MGST2: variants seen among roughly 807,000 people sequenced by gnomAD.
The protein encoded by MGST2 is glutathione peroxidase MGST2.
In MGST2, 9 loss-of-function variants were observed where a neutral mutation model predicts 16.6. That is an observed-to-expected ratio of 0.54 (90% CI 0.33 to 0.95). MGST2 has a LOEUF of 0.95. Ranked by LOEUF, MGST2 falls within the 40% of genes least tolerant of loss-of-function variation. The probability of loss-of-function intolerance (pLI) is 0.03; values close to 1 mark genes in which losing one functional copy is unlikely to be tolerated. For missense variants in MGST2, 159 were observed against 175.1 expected (o/e 0.91, Z 0.52); for synonymous variants, 79 against 68.0 (o/e 1.16, Z -0.79).
intron 2 of MGST2, among the ~76,000 whole-genome samples, chr4:139,690,417 A>G (rs988748840): frequency 2.6e-5 from 4 of 152,330 alleles, no homozygotes; most frequent in Admixed American, 2.6e-4. Context: ...CCGGGATTAC[A>G]GGTGTGAACC....
chr4:139,740,028 A>G (rs1042721839), intron 5 of MGST2, among the ~76,000 whole-genome samples: 3 of 152,102 alleles, frequency 2.0e-5, no homozygotes, highest in Admixed American at 6.6e-5. Flanking sequence ...AAACCTGTAC[A>G]TGGCTTCCAC....
At chr4:139,729,923 A>G (rs4863681) in intron 5 of MGST2, among the ~76,000 whole-genome samples, 39,975 of 152,134 alleles carry the variant, frequency 0.26, 5,468 homozygotes, top group East Asian at 0.33. Context: ...GTAGTTCTGC[A>G]GGCCTTATTA....
intron 5 of MGST2, among the ~76,000 whole-genome samples, chr4:139,734,607 T>G (rs957655885): frequency 1.3e-5 from 2 of 152,152 alleles, no homozygotes; most frequent in African/African-American, 4.8e-5. Flanking sequence ...TTCTAAAGGC[T>G]AGAGTGAGGT....
chr4:139,733,371 A>G (rs1019881474), intron 5 of MGST2, among the ~76,000 whole-genome samples: 2 of 152,136 alleles, frequency 1.3e-5, no homozygotes, highest in South Asian at 4.1e-4. Context: ...ACTTTGAGAT[A>G]TGCTTGTCCT....
In MGST2 at chr4:139,710,552, A is replaced by G. The variant is rs567237754; in HGVS notation, c.*48+6356A>G. On this transcript the variant is annotated intron_variant, in intron 5 of 5. Coordinates refer to the MGST2 transcript ENST00000616265. Reference sequence around the variant, plus strand: ...CAGCGTCCCCCTGTGCCCTCCCTCCACCCCGGAATCAGTTCATTTTCTCTC... The same window carrying G: ...CAGCGTCCCCCTGTGCCCTCCCTCCGCCCCGGAATCAGTTCATTTTCTCTC... Among the ~76,000 whole-genome samples, 205 of 151,834 alleles carry G rather than the reference A, an allele frequency of 1.4e-3. 1 individual carries two copies. Among genetic ancestry groups the G allele is most frequent in the African/African-American group, 4.7e-3 (196 of 41,400 alleles).
At chr4:139,716,086 G>C (rs1727943341) in intron 5 of MGST2, among the ~76,000 whole-genome samples, 1 of 152,168 alleles carries the variant, frequency 6.6e-6, no homozygotes, top group South Asian at 2.1e-4. Flanking sequence ...TTTAAACCAA[G>C]TCCCAGCCTT....
chr4:139,727,661 T>C (rs1394519107), intron 5 of MGST2, among the ~76,000 whole-genome samples: 1 of 152,246 alleles, frequency 6.6e-6, no homozygotes, highest in Non-Finnish European at 1.5e-5. Flanking sequence ...TGAGAGGTTA[T>C]GTGCTTTGAA....
At chr4:139,678,986 A>G (rs997457971) in intron 2 of MGST2, 22 of 298,156 alleles carry the variant, frequency 7.4e-5, no homozygotes, top group Non-Finnish European at 1.3e-4. Flanking sequence ...TCGTTATGCT[A>G]CAATTTTCTA....
intron 1 of MGST2, among the ~76,000 whole-genome samples, chr4:139,677,108 C>A (rs1412275090): frequency 6.6e-6 from 1 of 152,216 alleles, no homozygotes; most frequent in Non-Finnish European, 1.5e-5. Flanking sequence ...ACCTGACTTA[C>A]CACCATAACC....
At chr4:139,727,393 A>G (rs1423046464) in intron 5 of MGST2, among the ~76,000 whole-genome samples, 3 of 152,236 alleles carry the variant, frequency 2.0e-5, no homozygotes, top group Non-Finnish European at 4.4e-5. Context: ...CAAACTTCCC[A>G]TATAATATAA....
At chr4:139,702,036 C>T (rs1309351001) in intron 3 of MGST2, among the ~76,000 whole-genome samples, 1 of 152,026 alleles carries the variant, frequency 6.6e-6, no homozygotes, top group Non-Finnish European at 1.5e-5. Context: ...CGCAGTCCCA[C>T]ACATAGACTC....
At chr4:139,750,996 A>T in the MGST2 span, among the ~76,000 whole-genome samples, 2 of 152,184 alleles carry the variant, frequency 1.3e-5, no homozygotes, top group Non-Finnish European at 2.9e-5. Flanking sequence ...GCCTCCTGTG[A>T]TTCAATCACT....
intron 3 of MGST2, among the ~76,000 whole-genome samples, chr4:139,702,801 G>A (rs956518822): frequency 8.0e-6 from 1 of 125,078 alleles, no homozygotes; most frequent in Non-Finnish European, 1.7e-5. Flanking sequence ...GATGTGTGCG[G>A]ATTCCAGTTG....
At chr4:139,668,224 G>A (rs981842757) in intron 1 of MGST2, among the ~76,000 whole-genome samples, 2 of 152,188 alleles carry the variant, frequency 1.3e-5, no homozygotes, top group South Asian at 4.1e-4. Flanking sequence ...GGTTGTGGAG[G>A]CCAAGGTTCT....
Position 139,665,954 on chromosome 4 carries a change from C to A in MGST2, c.-66C>A. 6.6e-7 allele frequency: 1 copy of A among 1,519,794 alleles called. No homozygotes were observed. The highest frequency in any genetic ancestry group is 1.1e-5 in the South Asian group (1 of 88,346). 94.1% of individuals were successfully genotyped at this position (1,519,794 alleles called of 1,614,324 possible). A position where few individuals can be genotyped will look rare whatever the true frequency, so the allele number is the denominator to read the frequency against. ...ACTTTGTTTACCCGATAAGGAAGGT[C>A]AGCATTCAAAGTCAAGAAGCGCCAT... On this transcript the variant is annotated 5_prime_UTR_variant, in exon 1 of 5. Coordinates refer to ENST00000265498, the MANE Select transcript of MGST2 (RefSeq NM_002413.5).
At chr4:139,697,823 T>C (rs1298476679) in intron 3 of MGST2, among the ~76,000 whole-genome samples, 4 of 152,170 alleles carry the variant, frequency 2.6e-5, no homozygotes, top group South Asian at 2.1e-4. Context: ...AAAATCCAAA[T>C]GCTGGCATTG....
intron 5 of MGST2, chr4:139,740,082 T>C (rs1317621352): frequency 3.3e-5 from 5 of 152,138 alleles, no homozygotes; most frequent in Non-Finnish European, 5.9e-5. Flanking sequence ...CGGCTTTACA[T>C]TGCTGCCACA....
chr4:139,672,567 C>A (rs1730755343), intron 1 of MGST2, among the ~76,000 whole-genome samples: 1 of 151,038 alleles, frequency 6.6e-6, no homozygotes, highest in Non-Finnish European at 1.5e-5. Flanking sequence ...CAATCCCAAG[C>A]ATTTACACAC....
chr4:139,671,720 C>T (rs1730703833), intron 1 of MGST2, among the ~76,000 whole-genome samples: 1 of 152,078 alleles, frequency 6.6e-6, no homozygotes, highest in Non-Finnish European at 1.5e-5. Context: ...CGGCTCACTG[C>T]AACCTCTGCC....
Sources: gnomAD v4.1 joint callset for allele counts (sites outside exome capture counted in the v4.1 genomes callset) on GRCh38, gnomAD v4.1.1 for gene constraint, MANE v1.5 for transcripts, NCBI Gene and HGNC (gene_info 2026-07-23, HGNC 2026-07-21) for gene names.